ZMIZ1: variants seen among roughly 807,000 people sequenced by gnomAD.
ZMIZ1 encodes zinc finger MIZ domain-containing protein 1.
A neutral mutation model predicts 113.9 loss-of-function variants in ZMIZ1; 17 were observed. The ratio of observed to expected loss-of-function variants is 0.15; its 90% confidence interval spans 0.10 to 0.22. The LOEUF (loss-of-function observed/expected upper bound fraction) is 0.22. ZMIZ1 is among the 10% of genes least tolerant of loss of function. The pLI is 1.00. For synonymous variants in ZMIZ1, 607 were observed against 603.1 expected, an observed-to-expected ratio of 1.01 and a Z score of -0.09; for missense variants, 1,059 against 1,477.8, an observed-to-expected ratio of 0.72 and a Z score of 4.65.
At chr10:79,167,432 C>A (rs1323542877) in intron 4 of ZMIZ1, among the ~76,000 whole-genome samples, 1 of 152,148 alleles carries the variant, frequency 6.6e-6, no homozygotes, top group Non-Finnish European at 1.5e-5. Context: ...GGAAATCCTG[C>A]AGGTGAGTTT....
At chr10:79,221,249 T>C (rs1464826292) in intron 7 of ZMIZ1, among the ~76,000 whole-genome samples, 1 of 152,180 alleles carries the variant, frequency 6.6e-6, no homozygotes, top group Non-Finnish European at 1.5e-5. Flanking sequence ...AGCACGTGTG[T>C]GCATGTGCGT....
chr10:79,237,975 C>A (rs761900060), intron 7 of ZMIZ1, among the ~76,000 whole-genome samples: 12 of 152,240 alleles, frequency 7.9e-5, no homozygotes, highest in Non-Finnish European at 1.6e-4. Flanking sequence ...CTCTGCAGCG[C>A]CTCAGTTAGC....
chr10:79,112,303 G>A (rs117849728), intron 1 of ZMIZ1, among the ~76,000 whole-genome samples: 2,243 of 152,260 alleles, frequency 0.015, 22 homozygotes, highest in Non-Finnish European at 0.023. Flanking sequence ...CGCTCTGCAC[G>A]GGTCCTGCAC....
chr10:79,102,605 G>A (rs560737178), intron 1 of ZMIZ1, among the ~76,000 whole-genome samples: 2 of 152,232 alleles, frequency 1.3e-5, no homozygotes, highest in Non-Finnish European at 2.9e-5. Flanking sequence ...ACTTTTCCAT[G>A]GGTTCTTACT....
intron 17 of ZMIZ1, 120 bp from the exon 18 acceptor site, chr10:79,301,987 T>G: frequency 1.1e-6 from 1 of 928,410 alleles, no homozygotes; most frequent in Non-Finnish European, 1.7e-6. Flanking sequence ...GGAGACACCC[T>G]GGGGGAGCCT....
At chr10:79,256,005 A>G (rs965702353) in intron 7 of ZMIZ1, among the ~76,000 whole-genome samples, 1 of 152,194 alleles carries the variant, frequency 6.6e-6, no homozygotes, top group African/African-American at 2.4e-5. Flanking sequence ...GATGGGGGGA[A>G]TGCGGGTGTC....
At chr10:79,159,153 C>G (rs759677758) in intron 3 of ZMIZ1, among the ~76,000 whole-genome samples, 1 of 152,222 alleles carries the variant, frequency 6.6e-6, no homozygotes, top group African/African-American at 2.4e-5. Context: ...GCACTCACTC[C>G]GTGGCACCAA....
chr10:79,223,204 G>T (rs1030053812), intron 7 of ZMIZ1, among the ~76,000 whole-genome samples: 9 of 152,236 alleles, frequency 5.9e-5, no homozygotes, highest in African/African-American at 2.2e-4. Flanking sequence ...ACAAAGCTGT[G>T]CGCAGCTCTG....
At chr10:79,244,609 G>A (rs1850082016) in intron 7 of ZMIZ1, among the ~76,000 whole-genome samples, 1 of 152,216 alleles carries the variant, frequency 6.6e-6, no homozygotes. Context: ...ACCATCAGGC[G>A]AGACTGCCAG....
chr10:79,149,936 G>A (rs901344874), intron 3 of ZMIZ1, among the ~76,000 whole-genome samples: 6 of 152,234 alleles, frequency 3.9e-5, no homozygotes, highest in Non-Finnish European at 7.4e-5. Flanking sequence ...GAAAATGAAC[G>A]GTGGGAGGCC....
In ZMIZ1 at chr10:79,302,145, C is replaced by T. The variant is rs907363763; in HGVS notation, c.2058C>T (p.Ser686=). ...LFVLQLVHRP[S]VRSVLQGLLK... ...TGCTGCAGCTGGTACACCGGCCCTC[C>T]GTCCGCTCTGTGCTGCAAGGACTCC... The change falls in exon 18 of 25, where the codon TCC becomes TCT. Residue 686 remains serine, a synonymous_variant. Transcript: ENST00000334512. The T allele has an allele frequency of 5.0e-6, 8 of 1,614,044 alleles. No homozygotes were observed. The highest frequency in any genetic ancestry group is 2.2e-5 in the South Asian group (2 of 91,086).
chr10:79,297,244 C>G (rs1462332545), intron 13 of ZMIZ1, among the ~76,000 whole-genome samples: 1 of 148,956 alleles, frequency 6.7e-6, no homozygotes, highest in Non-Finnish European at 1.5e-5. Context: ...AGGCATATAG[C>G]CTTTCCTTTC....
chr10:79,147,499 C>T (rs1845539181), intron 3 of ZMIZ1, among the ~76,000 whole-genome samples: 1 of 152,184 alleles, frequency 6.6e-6, no homozygotes, highest in South Asian at 2.1e-4. Flanking sequence ...TCCATCAGGC[C>T]ACTGAATTAT....
At chr10:79,216,746 A>G (rs1439287528) in intron 7 of ZMIZ1, among the ~76,000 whole-genome samples, 12 of 152,074 alleles carry the variant, frequency 7.9e-5, no homozygotes, top group Non-Finnish European at 2.9e-5. Flanking sequence ...TAACCTTTAT[A>G]CTCCACTACG....
chr10:79,177,444 A>G (rs1443146904), intron 4 of ZMIZ1, among the ~76,000 whole-genome samples: 1 of 152,224 alleles, frequency 6.6e-6, no homozygotes, highest in East Asian at 1.9e-4. Context: ...AAAGGCTTAC[A>G]GGTTTAGTTC....
intron 2 of ZMIZ1, among the ~76,000 whole-genome samples, chr10:79,127,828 G>A (rs1001432272): frequency 2.0e-5 from 3 of 152,134 alleles, no homozygotes; most frequent in African/African-American, 7.2e-5. Flanking sequence ...TGCTTTAATT[G>A]GCTGGGGCTG....
chr10:79,304,323 C>A, intron 19 of ZMIZ1, 148 bp downstream of exon 19: 1 of 1,165,112 alleles, frequency 8.6e-7, no homozygotes, highest in South Asian at 1.6e-5. Context: ...TCATTAATTT[C>A]CGCCATCATT....
At chr10:79,166,002 G>GT (rs56386650) in intron 4 of ZMIZ1, among the ~76,000 whole-genome samples, 895 of 13,406 alleles carry the variant, frequency 0.067, 17 homozygotes, top group African/African-American at 0.21. Context: ...GTGTGTGTGT[G>GT]GGCTCTCCCT....
At chr10:79,239,093 A>G (rs1167615150) in intron 7 of ZMIZ1, among the ~76,000 whole-genome samples, 3 of 152,220 alleles carry the variant, frequency 2.0e-5, no homozygotes, top group Non-Finnish European at 4.4e-5. Context: ...GAGGGGGGAA[A>G]GGGAGTGGGG....
Sources: gnomAD v4.1 joint callset for allele counts (sites outside exome capture counted in the v4.1 genomes callset) on GRCh38, gnomAD v4.1.1 for gene constraint, MANE v1.5 for transcripts, NCBI Gene and HGNC (gene_info 2026-07-23, HGNC 2026-07-21) for gene names.